Variants in COPS5 observed in about 807,000 individuals in gnomAD.
COPS5 encodes COP9 signalosome complex subunit 5.
COPS5 carries 8 observed loss-of-function variants against 44.4 expected under a neutral mutation model. The ratio of observed to expected loss-of-function variants is 0.18; its 90% CI spans 0.11 to 0.32. The LOEUF (loss-of-function observed/expected upper bound fraction) is 0.32. COPS5 is among the 10% of genes least tolerant of loss of function. COPS5 has a pLI of 1.00. For synonymous variants in COPS5, 122 were observed against 142.8 expected (o/e 0.85, Z 1.04); for missense variants, 159 against 406.4 (o/e 0.39, Z 5.23).
rs1563451174 is a variant in COPS5 at position 67,062,098 on chromosome 8, ACT to A, written c.-104_-103del. 8.9e-6 allele frequency: 14 copies of A among 1,576,802 alleles called. No individual in the cohort carries two copies. The highest frequency in any genetic ancestry group is 1.1e-5 in the South Asian group (1 of 87,946). On this transcript the variant is annotated 5_prime_UTR_variant, in exon 1 of 8. Coordinates refer to ENST00000357849, the MANE Select transcript of COPS5 (RefSeq NM_006837.3). ...TTGACCCTCCGCACCACGGGAACAA[ACT>A]CTTACCTAGACTCTTGGGGCAGCCA...
chr8:67,060,494 G>C (rs1317816382), intron 1 of COPS5: 1 of 1,289,556 alleles, frequency 7.8e-7, no homozygotes, highest in Non-Finnish European at 1.0e-6. Flanking sequence ...AAAATGTGTA[G>C]ACCTCATGTT....
intron 6 of COPS5, among the ~76,000 whole-genome samples, chr8:67,048,540 C>T (rs983836206): frequency 6.6e-6 from 1 of 151,220 alleles, no homozygotes; most frequent in Admixed American, 6.6e-5. Flanking sequence ...GATGGTGAAA[C>T]CCCATCTCTA....
intron 1 of COPS5, chr8:67,061,057 CG>C (rs1191294053): frequency 3.0e-5 from 5 of 166,042 alleles, no homozygotes; most frequent in Non-Finnish European, 6.5e-5. Flanking sequence ...AAACATAACC[CG>C]TAATAATTAT....
intron 1 of COPS5, 122 bp downstream of exon 1, chr8:67,061,732 G>A (rs572092942): frequency 4.1e-4 from 395 of 954,488 alleles, no homozygotes; most frequent in Non-Finnish European, 6.1e-4. Flanking sequence ...GATCCAAGAC[G>A]CATATTCTGT....
intron 1 of COPS5, chr8:67,061,291 C>G: frequency 2.7e-6 from 1 of 372,680 alleles, no homozygotes; most frequent in South Asian, 1.9e-5. Flanking sequence ...GAAATAATTA[C>G]CAGCAATCAA....
At chr8:67,048,323 TATAAA>T (rs1201393495) in intron 6 of COPS5, among the ~76,000 whole-genome samples, 2 of 149,538 alleles carry the variant, frequency 1.3e-5, no homozygotes, top group South Asian at 2.1e-4. Flanking sequence ...TAAAATAAAA[TATAAA>T]ATAAAATAAA....
At chr8:67,057,526 A>G (rs1360719560) in intron 3 of COPS5, 81 bp from the exon 4 acceptor site, 2 of 977,720 alleles carry the variant, frequency 2.0e-6, no homozygotes, top group African/African-American at 1.6e-5. Context: ...AGAAATGTAT[A>G]CATACATATA....
At chr8:67,048,756 A>G (rs963900718) in intron 6 of COPS5, among the ~76,000 whole-genome samples, 10 of 151,926 alleles carry the variant, frequency 6.6e-5, no homozygotes, top group African/African-American at 2.4e-4. Flanking sequence ...TAATAGGCTT[A>G]AGTGAGGTCT....
intron 6 of COPS5, among the ~76,000 whole-genome samples, chr8:67,050,679 T>G (rs2129537822): frequency 6.6e-6 from 1 of 151,000 alleles, no homozygotes; most frequent in African/African-American, 2.4e-5. Flanking sequence ...GCTGAGAGAC[T>G]TGGAGGTCTA....
intron 5 of COPS5, 47 bp from the exon 6 acceptor site, chr8:67,051,388 A>G: frequency 9.9e-7 from 1 of 1,014,438 alleles, no homozygotes; most frequent in Non-Finnish European, 1.5e-6. Context: ...AAAAAATTCA[A>G]CTACGTCACA....
At position 67,057,413 on chromosome 8, in the gene COPS5, T is replaced by C. The variant is rs1472350605; in HGVS notation, c.540A>G (p.Lys180=). 2 of 1,612,058 alleles carry C rather than the reference T, an allele frequency of 1.2e-6. No individual in the cohort carries two copies. Among genetic ancestry groups the C allele is most frequent in the African/African-American group, 2.7e-5 (2 of 74,806 alleles). Residue 180 remains lysine, a synonymous_variant, in exon 4 of 8, where the codon AAA becomes AAG. Coordinates refer to ENST00000357849, the MANE Select transcript of COPS5 (RefSeq NM_006837.3). ...ATGTCCTAAAGGCGCCAAGATTCAC[T>C]TTCCCTGCGGATATTGTTCTTGTTG... ...IDPTRTISAG[K]VNLGAFRTYP... is the part of the protein sequence containing the mutation.
Position 67,043,180 on chromosome 8 carries a change from CT to C in COPS5, c.*52del. 9.3e-7 allele frequency: 1 copy of C among 1,070,660 alleles called. No individual in the cohort carries two copies. The highest frequency in any genetic ancestry group is 2.4e-5 in the East Asian group (1 of 40,842). 66.3% of individuals were successfully genotyped at this position (1,070,660 alleles called of 1,614,324 possible). A position where few individuals can be genotyped will look rare whatever the true frequency, so the allele number is the denominator to read the frequency against. ...TTGGGTAACTGGTTTTAAAGTGTTA[CT>C]TGAATATTTTTCTCATACTGTCTTT... On this transcript the variant is annotated 3_prime_UTR_variant, in exon 8 of 8. Transcript: ENST00000357849.
At chr8:67,057,841 T>A (rs1262151102) in intron 3 of COPS5, among the ~76,000 whole-genome samples, 1 of 152,196 alleles carries the variant, frequency 6.6e-6, no homozygotes, top group East Asian at 1.9e-4. Context: ...ATGCCTATGA[T>A]GAGCTGGCAC....
At chr8:67,046,262 C>G (rs754338214) in intron 6 of COPS5, among the ~76,000 whole-genome samples, 1 of 152,182 alleles carries the variant, frequency 6.6e-6, no homozygotes, top group African/African-American at 2.4e-5. Context: ...TTGAAGTATA[C>G]AGACCTAAGT....
chr8:67,052,950 T>C (rs1162077536), intron 5 of COPS5, among the ~76,000 whole-genome samples: 1 of 151,696 alleles, frequency 6.6e-6, no homozygotes, highest in African/African-American at 2.4e-5. Context: ...TATAGTACCA[T>C]TAGGAGATAT....
intron 6 of COPS5, among the ~76,000 whole-genome samples, chr8:67,050,829 G>A (rs532854915): frequency 8.6e-4 from 130 of 151,306 alleles, no homozygotes; most frequent in African/African-American, 3.1e-3. Context: ...CCTGAGTTAA[G>A]CCCTATTCCT....
intron 6 of COPS5, 29 bp from the exon 7 acceptor site, chr8:67,045,989 C>G (rs757560270): frequency 3.1e-6 from 5 of 1,595,924 alleles, no homozygotes; most frequent in Non-Finnish European, 4.3e-6. Flanking sequence ...TGTGTCACTG[C>G]AAAACACAAG....
In COPS5 at chr8:67,045,956, G is replaced by A. The variant is rs1158572768; in HGVS notation, c.776C>T (p.Ala259Val). 6.2e-7 allele frequency: 1 copy of A among 1,613,402 alleles called. No homozygotes were observed. The highest frequency in any genetic ancestry group is 8.5e-7 in the Non-Finnish European group (1 of 1,179,648). Residue 259 changes from alanine (A) to valine (V), a missense_variant, in exon 7 of 8, where the codon GCA becomes GTA. Around this residue, in one of 2 missense-constraint regions of COPS5, gnomAD observed 134 missense variants for 376.7 expected, o/e 0.36. Transcript: ENST00000357849. ...TLSSSSLLTN[A>V]DYTTGQVFDL... ...AAAGACCTGACCAGTGGTATAGTCT[G>A]CATTCTGTGGGGAAAGTGGTATTGT...
rs896214107 is a variant in COPS5 at position 67,053,968 on chromosome 8, T to C, written c.659+2551A>G. The stretch of plus-strand genomic sequence containing the variant: ...TTGCAGTGAGCCGAGATCACACCAC[T>C]GCACTCCAGCCTGGGTGACAGAGCA... On this transcript the variant is annotated intron_variant, in intron 5 of 7. Transcript: ENST00000357849. Among the ~76,000 whole-genome samples the C allele has an allele frequency of 2.0e-5, 3 of 147,728 alleles. No individual in the cohort carries two copies. In the East Asian group the frequency reaches 5.9e-4, roughly 29 times the overall value.
Sources: allele counts gnomAD v4.1 joint callset (sites outside exome capture counted in the v4.1 genomes callset), GRCh38; gene constraint gnomAD v4.1.1; regional missense constraint gnomAD v4.1.1; transcripts MANE v1.5; gene names NCBI Gene and HGNC (gene_info 2026-07-23, HGNC 2026-07-21).